Variants in DNAAF11 observed in about 807,000 individuals in gnomAD.
DNAAF11 encodes leucine rich repeat containing 6.
A neutral mutation model predicts 60.8 loss-of-function variants in DNAAF11; 45 were observed. The observed-to-expected ratio is 0.74, with a 90% confidence interval of 0.58 to 0.95. The LOEUF (loss-of-function observed/expected upper bound fraction) is 0.95, where lower values mean the gene tolerates loss of function less well. Among genes scored for constraint, DNAAF11 ranks in the 40% least tolerant of loss-of-function variants. DNAAF11 has a pLI of 0.00. For synonymous variants in DNAAF11, 191 were observed against 183.5 expected (o/e 1.04, Z -0.33); for missense variants, 546 against 546.2 (o/e 1.00, Z 0.00).
Position 132,572,490 on chromosome 8 carries a change from C to CA in DNAAF11, c.1227-11dup, listed in dbSNP as rs759171476. The CA allele has an allele frequency of 3.9e-6, 6 of 1,556,324 alleles. No homozygotes were observed. The highest frequency in any genetic ancestry group is 1.2e-5 in the South Asian group (1 of 81,898). On this transcript the variant is annotated splice_polypyrimidine_tract_variant and intron_variant, in intron 11 of 11. Coordinates refer to ENST00000620350, the MANE Select transcript of DNAAF11 (RefSeq NM_012472.6). ...CTCCATGTGCTTGCTTCTATAACAACAAAAAAAGACAAACAGAAACTGATA... is the reference window on the plus strand; with the variant it reads ...CTCCATGTGCTTGCTTCTATAACAACAAAAAAAAGACAAACAGAAACTGATA...
chr8:132,621,731 T>C (rs1819785235), intron 7 of DNAAF11, among the ~76,000 whole-genome samples: 1 of 152,116 alleles, frequency 6.6e-6, no homozygotes, highest in South Asian at 2.1e-4. Context: ...GGGAAGGAAT[T>C]ATAAAGTTTA....
chr8:132,583,932 G>T (rs773306248), intron 10 of DNAAF11, among the ~76,000 whole-genome samples, 153 bp from the exon 11 acceptor site: 2 of 152,130 alleles, frequency 1.3e-5, no homozygotes, highest in Non-Finnish European at 2.9e-5. Context: ...CCTATATGCA[G>T]TGTAGAGAAG....
chr8:132,628,918 T>G (rs1259721157), intron 5 of DNAAF11, among the ~76,000 whole-genome samples: 1 of 152,218 alleles, frequency 6.6e-6, no homozygotes, highest in East Asian at 1.9e-4. Context: ...TTACATAACT[T>G]TGATGCAAAA....
chr8:132,693,479 A>C, the DNAAF11 span, among the ~76,000 whole-genome samples: 1 of 151,300 alleles, frequency 6.6e-6, no homozygotes, highest in African/African-American at 2.4e-5. Flanking sequence ...GTGCGTGTGT[A>C]TATTACATAG....
intron 3 of DNAAF11, among the ~76,000 whole-genome samples, chr8:132,646,444 C>T (rs1822396980): frequency 6.6e-6 from 1 of 152,148 alleles, no homozygotes; most frequent in South Asian, 2.1e-4. Flanking sequence ...AGCAAAATAA[C>T]CAGCTAACAT....
At chr8:132,599,315 A>G (rs1468907819) in intron 10 of DNAAF11, among the ~76,000 whole-genome samples, 2 of 152,236 alleles carry the variant, frequency 1.3e-5, no homozygotes, top group East Asian at 3.8e-4. Flanking sequence ...CCAGGACCAG[A>G]AAGATTCACA....
At chr8:132,635,414 TGAG>T (rs1308348408) in intron 4 of DNAAF11, among the ~76,000 whole-genome samples, 1 of 152,124 alleles carries the variant, frequency 6.6e-6, no homozygotes, top group Non-Finnish European at 1.5e-5. Flanking sequence ...ATGAGTAAAA[TGAG>T]GCACACAATT....
At chr8:132,630,180 T>C (rs1586632215) in intron 5 of DNAAF11, among the ~76,000 whole-genome samples, 2 of 152,294 alleles carry the variant, frequency 1.3e-5, no homozygotes, top group East Asian at 3.9e-4. Flanking sequence ...GAACTAAAAA[T>C]AGCCAAGATA....
intron 10 of DNAAF11, among the ~76,000 whole-genome samples, chr8:132,597,630 G>A (rs1304592856): frequency 6.6e-6 from 1 of 152,208 alleles, no homozygotes; most frequent in African/African-American, 2.4e-5. Flanking sequence ...GAGGATGCCA[G>A]GCAAGGTTTT....
chr8:132,647,129 A>G (rs1162594275), intron 3 of DNAAF11, among the ~76,000 whole-genome samples: 2 of 152,210 alleles, frequency 1.3e-5, no homozygotes, highest in Non-Finnish European at 2.9e-5. Context: ...AAGAACAGAA[A>G]TTATAACAAA....
At chr8:132,667,465 A>G (rs1216309302) in intron 1 of DNAAF11, among the ~76,000 whole-genome samples, 2 of 152,244 alleles carry the variant, frequency 1.3e-5, no homozygotes, top group African/African-American at 4.8e-5. Flanking sequence ...ATATGTTATC[A>G]TAAGACTATT....
At chr8:132,581,129 C>T (rs1815283126) in intron 11 of DNAAF11, among the ~76,000 whole-genome samples, 1 of 152,158 alleles carries the variant, frequency 6.6e-6, no homozygotes, top group Non-Finnish European at 1.5e-5. Context: ...ATACTTTAAA[C>T]AAACTTAATT....
chr8:132,679,464 C>T (rs1005199965), upstream of DNAAF11, among the ~76,000 whole-genome samples: 1 of 152,148 alleles, frequency 6.6e-6, no homozygotes, highest in African/African-American at 2.4e-5. Context: ...GGAAGTGTAC[C>T]TCATTCTCTG....
intron 3 of DNAAF11, among the ~76,000 whole-genome samples, chr8:132,653,265 T>C (rs138640209): frequency 1.3e-5 from 2 of 152,174 alleles, no homozygotes; most frequent in African/African-American, 2.4e-5. Flanking sequence ...AAAAATGTAG[T>C]TGTCAACGAA....
chr8:132,682,068 C>T, the DNAAF11 span, among the ~76,000 whole-genome samples: 2 of 152,168 alleles, frequency 1.3e-5, no homozygotes, highest in Non-Finnish European at 2.9e-5. Context: ...TAAAACATGA[C>T]AACAAATTAT....
chr8:132,629,466 A>G (rs1586630397), intron 5 of DNAAF11, among the ~76,000 whole-genome samples: 1 of 151,506 alleles, frequency 6.6e-6, no homozygotes, highest in Admixed American at 6.6e-5. Flanking sequence ...TCCGGCCTCA[A>G]CCTCCCGAGT....
chr8:132,682,334 C>A, the DNAAF11 span, among the ~76,000 whole-genome samples: 1 of 152,204 alleles, frequency 6.6e-6, no homozygotes, highest in Non-Finnish European at 1.5e-5. Flanking sequence ...AACCCAGCCC[C>A]AGCCTTTCAG....
intron 2 of DNAAF11, among the ~76,000 whole-genome samples, chr8:132,658,848 C>T (rs1427086202): frequency 6.6e-6 from 1 of 152,076 alleles, no homozygotes; most frequent in Non-Finnish European, 1.5e-5. Flanking sequence ...TCCTCAAAAC[C>T]CCAGGGCCCA....
the DNAAF11 span, among the ~76,000 whole-genome samples, chr8:132,692,736 A>G: frequency 1.3e-5 from 2 of 152,132 alleles, no homozygotes; most frequent in African/African-American, 2.4e-5. Context: ...CCAGCTACCT[A>G]TGTTCCCAGG....
Sources: gnomAD v4.1 joint callset for allele counts (sites outside exome capture counted in the v4.1 genomes callset) on GRCh38, gnomAD v4.1.1 for gene constraint, MANE v1.5 for transcripts, NCBI Gene and HGNC (gene_info 2026-07-23, HGNC 2026-07-21) for gene names.